C2orf92: variants seen among roughly 807,000 people sequenced by gnomAD.
The protein encoded by C2orf92 is uncharacterized protein C2orf92.
chr2:97,674,400 T>C (rs1675508976), intron 1 of C2orf92, 56 bp from the exon 2 acceptor site: 1 of 398,242 alleles, frequency 2.5e-6, no homozygotes, highest in African/African-American at 2.1e-5. Flanking sequence ...TAGTCTGCTT[T>C]AGGTACTTAG....
chr2:97,697,152 C>T (rs770900695), intron 5 of C2orf92: 18 of 152,126 alleles, frequency 1.2e-4, no homozygotes, highest in Non-Finnish European at 2.2e-4. Flanking sequence ...GTGGCTGCTC[C>T]TGTCATAGTT....
chr2:97,669,873 A>G (rs1675353144), intron 1 of C2orf92, 39 bp downstream of exon 1: 2 of 398,518 alleles, frequency 5.0e-6, no homozygotes, highest in Non-Finnish European at 8.8e-6. Context: ...CATGGGCCTC[A>G]CTTCAAGCCT....
At chr2:97,693,792 G>C (rs1188363650) in intron 5 of C2orf92, among the ~76,000 whole-genome samples, 2 of 152,074 alleles carry the variant, frequency 1.3e-5, no homozygotes, top group African/African-American at 4.8e-5. Context: ...GAAAGCAGCA[G>C]GTCTTTGTAT....
intron 7 of C2orf92, 37 bp downstream of exon 7, chr2:97,701,341 C>T (rs1202429941): frequency 1.0e-5 from 4 of 398,178 alleles, no homozygotes; most frequent in Non-Finnish European, 1.8e-5. Context: ...TCCAAGAACC[C>T]GCGGGTGTTA....
chr2:97,676,579 CA>C (rs762973892), intron 3 of C2orf92, among the ~76,000 whole-genome samples: 13 of 150,232 alleles, frequency 8.7e-5, no homozygotes, highest in Non-Finnish European at 1.9e-4. Flanking sequence ...AGCAACATAT[CA>C]AAAAACACTA....
chr2:97,670,872 C>T (rs1382212531), intron 1 of C2orf92: 1 of 152,098 alleles, frequency 6.6e-6, no homozygotes, highest in African/African-American at 2.4e-5. Flanking sequence ...CCAAATTTAC[C>T]CTTTACAAAG....
intron 3 of C2orf92, among the ~76,000 whole-genome samples, chr2:97,681,426 A>C (rs887974122): frequency 1.3e-5 from 2 of 152,144 alleles, no homozygotes; most frequent in African/African-American, 4.8e-5. Flanking sequence ...TAAGCAACAC[A>C]CTCTTAAATA....
chr2:97,679,751 T>A (rs1258712563), intron 3 of C2orf92, among the ~76,000 whole-genome samples: 3 of 146,632 alleles, frequency 2.0e-5, no homozygotes, highest in African/African-American at 7.6e-5. Flanking sequence ...GCAGGAGAAT[T>A]GCTTGAACCC....
At chr2:97,678,987 A>G (rs1292847914) in intron 3 of C2orf92, among the ~76,000 whole-genome samples, 1 of 151,888 alleles carries the variant, frequency 6.6e-6, no homozygotes, top group Non-Finnish European at 1.5e-5. Flanking sequence ...TTGGAAAAAA[A>G]AAAAAAAAGT....
At chr2:97,688,464 A>G (rs2104577684) in intron 3 of C2orf92, among the ~76,000 whole-genome samples, 1 of 152,248 alleles carries the variant, frequency 6.6e-6, no homozygotes. Flanking sequence ...TGTAACCCTC[A>G]TGAATTAGCA....
upstream of C2orf92, chr2:97,665,737 C>CTCTA (rs1675205585): frequency 6.8e-5 from 2 of 29,260 alleles, no homozygotes; most frequent in African/African-American, 2.6e-4. Context: ...CTCTCTCTCT[C>CTCTA]TATATATATA....
upstream of C2orf92, chr2:97,669,687 T>C (rs943147937): frequency 3.0e-5 from 12 of 397,006 alleles, no homozygotes; most frequent in Non-Finnish European, 4.9e-5. Flanking sequence ...TATGACTTCA[T>C]AGACCGTTAG....
chr2:97,677,156 T>C (rs1442477010), intron 3 of C2orf92, among the ~76,000 whole-genome samples: 1 of 152,094 alleles, frequency 6.6e-6, no homozygotes, highest in Non-Finnish European at 1.5e-5. Context: ...GGCAGCAGTG[T>C]GGATAGCAGT....
At chr2:97,674,757 G>T (rs140600332) in intron 2 of C2orf92, among the ~76,000 whole-genome samples, 200 bp downstream of exon 2, 1 of 152,252 alleles carries the variant, frequency 6.6e-6, no homozygotes, top group African/African-American at 2.4e-5. Flanking sequence ...ATAGGCTTCA[G>T]TGTGAATATC....
chr2:97,688,459 C>A (rs920987176), intron 3 of C2orf92, among the ~76,000 whole-genome samples: 3 of 152,196 alleles, frequency 2.0e-5, no homozygotes, highest in Middle Eastern at 3.4e-3. Flanking sequence ...AAAAATGTAA[C>A]CCTCATGAAT....
intron 3 of C2orf92, among the ~76,000 whole-genome samples, chr2:97,685,782 C>T (rs1022823596): frequency 6.6e-6 from 1 of 152,108 alleles, no homozygotes; most frequent in South Asian, 2.1e-4. Flanking sequence ...GGGCTGGTCA[C>T]GAACTCCTGA....
chr2:97,690,144 ACC>A, intron 4 of C2orf92, 110 bp from the exon 5 acceptor site: 2 of 368,802 alleles, frequency 5.4e-6, no homozygotes, highest in Admixed American at 4.6e-5. Context: ...ACAAAAAAAA[ACC>A]ACAAAAAAAC....
chr2:97,684,935 T>C (rs1373936567), intron 3 of C2orf92, among the ~76,000 whole-genome samples: 2 of 107,310 alleles, frequency 1.9e-5, no homozygotes, highest in Non-Finnish European at 5.1e-5. Context: ...TTTTTATTTT[T>C]ATTTTTATTT....
intron 3 of C2orf92, among the ~76,000 whole-genome samples, chr2:97,676,749 G>A (rs1287665713): frequency 6.6e-6 from 1 of 151,646 alleles, no homozygotes; most frequent in Non-Finnish European, 1.5e-5. Flanking sequence ...TCCAGCCTGG[G>A]CATCAGAGCT....
Sources: allele counts gnomAD v4.1 joint callset (sites outside exome capture counted in the v4.1 genomes callset), GRCh38; gene constraint gnomAD v4.1.1; transcripts MANE v1.5; gene names NCBI Gene and HGNC (gene_info 2026-07-23, HGNC 2026-07-21).